The following KLHL3 variants were observed in gnomAD, a reference collection of about 807,000 sequenced individuals.
The protein encoded by KLHL3 is kelch-like protein 3.
KLHL3 carries 19 observed loss-of-function variants against 70.5 expected under a neutral mutation model. The observed-to-expected ratio is 0.27, with a 90% CI of 0.19 to 0.40. The LOEUF (loss-of-function observed/expected upper bound fraction) is 0.40, where lower values mean the gene tolerates loss of function less well. KLHL3 is among the 10% of genes least tolerant of loss of function. The pLI is 1.00. For missense variants in KLHL3, 512 were observed against 771.1 expected, an observed-to-expected ratio of 0.66 and a Z score of 3.98; for synonymous variants, 258 against 290.3, an observed-to-expected ratio of 0.89 and a Z score of 1.13.
chr5:137,719,508 AAAG>A (rs1268793373), intron 2 of KLHL3, among the ~76,000 whole-genome samples: 4 of 152,270 alleles, frequency 2.6e-5, no homozygotes. Context: ...GCTCTCTGGT[AAAG>A]AAGAGATCGT....
intron 8 of KLHL3, among the ~76,000 whole-genome samples, chr5:137,654,591 CA>C (rs1367237139): frequency 1.3e-5 from 2 of 152,164 alleles, no homozygotes; most frequent in Non-Finnish European, 2.9e-5. Flanking sequence ...AGTGCTTAAA[CA>C]ATGGTGATGA....
chr5:137,680,186 C>T (rs1156957888), intron 5 of KLHL3, among the ~76,000 whole-genome samples: 1 of 152,206 alleles, frequency 6.6e-6, no homozygotes, highest in East Asian at 1.9e-4. Flanking sequence ...AAGATACCTT[C>T]CTGAATCATC....
chr5:137,641,283 G>A (rs1049580444), intron 8 of KLHL3, among the ~76,000 whole-genome samples: 6 of 152,122 alleles, frequency 3.9e-5, no homozygotes, highest in Non-Finnish European at 7.4e-5. Flanking sequence ...TTACCCAGTG[G>A]TTCTCAAACT....
chr5:137,705,244 T>G (rs2149926747), intron 3 of KLHL3, among the ~76,000 whole-genome samples: 1 of 152,296 alleles, frequency 6.6e-6, no homozygotes, highest in East Asian at 1.9e-4. Context: ...ACACAAACAC[T>G]AGAACACAGA....
intron 4 of KLHL3, among the ~76,000 whole-genome samples, chr5:137,696,452 C>T (rs1434479008): frequency 6.6e-6 from 1 of 152,236 alleles, no homozygotes; most frequent in Non-Finnish European, 1.5e-5. Context: ...TACTTAACCT[C>T]TCAATGCCTC....
intron 13 of KLHL3, chr5:137,627,947 C>G: frequency 4.3e-6 from 1 of 235,274 alleles, no homozygotes; most frequent in South Asian, 7.7e-5. Flanking sequence ...TGGCCCTTGT[C>G]CACAGAGCCC....
intron 1 of KLHL3, chr5:137,721,029 G>C (rs908457406): frequency 5.8e-5 from 12 of 207,336 alleles, no homozygotes; most frequent in African/African-American, 2.8e-4. Context: ...GAGTTCAGTA[G>C]AGGAGAATGC....
intron 3 of KLHL3, among the ~76,000 whole-genome samples, chr5:137,703,152 A>G (rs1191201139): frequency 6.6e-6 from 1 of 152,192 alleles, no homozygotes; most frequent in Admixed American, 6.5e-5. Context: ...CCACCCCTAC[A>G]TAGTTATATG....
chr5:137,647,422 C>T, intron 8 of KLHL3: 12 of 320,706 alleles, frequency 3.7e-5, no homozygotes, highest in Admixed American at 1.2e-4. Context: ...TAGATCAAGA[C>T]CCTAGCCCTG....
In KLHL3 at chr5:137,666,515, G is replaced by A. The variant is rs79083834; in HGVS notation, c.637-4484C>T. Among the ~76,000 whole-genome samples the A allele has an allele frequency of 1.6e-3, 250 of 152,272 alleles. 2 individuals are homozygous for A. Among genetic ancestry groups the A allele is most frequent in the African/African-American group, 5.6e-3 (232 of 41,548 alleles). ...AAGAATGAACTACAAGTCCTTAAGC[G>A]GGTAGCATTTATTGATCACATTCTT... is the stretch of plus-strand genomic sequence containing the variant. On this transcript the variant is annotated intron_variant, in intron 6 of 14. Transcript: ENST00000309755.
At chr5:137,638,154 A>T (rs1473304347) in intron 10 of KLHL3, among the ~76,000 whole-genome samples, 1 of 152,208 alleles carries the variant, frequency 6.6e-6, no homozygotes, top group Admixed American at 6.5e-5. Context: ...ACAATGCACC[A>T]CTACCCTTTC....
At chr5:137,694,741 A>G (rs1752405800) in intron 4 of KLHL3, among the ~76,000 whole-genome samples, 1 of 152,156 alleles carries the variant, frequency 6.6e-6, no homozygotes, top group African/African-American at 2.4e-5. Context: ...TTTACCACTG[A>G]AAGTCCCCCT....
chr5:137,689,990 T>C (rs1454477064), intron 5 of KLHL3, among the ~76,000 whole-genome samples: 1 of 152,184 alleles, frequency 6.6e-6, no homozygotes, highest in Non-Finnish European at 1.5e-5. Flanking sequence ...ATTTCTGACA[T>C]CTAAGCACTC....
intron 5 of KLHL3, among the ~76,000 whole-genome samples, chr5:137,683,224 C>T (rs949859857): frequency 2.5e-4 from 38 of 152,118 alleles, no homozygotes; most frequent in African/African-American, 8.9e-4. Context: ...AATTTCCCAT[C>T]CACATGGACG....
intron 8 of KLHL3, among the ~76,000 whole-genome samples, chr5:137,657,242 C>G (rs1751365791): frequency 6.6e-6 from 1 of 152,128 alleles, no homozygotes; most frequent in Non-Finnish European, 1.5e-5. Flanking sequence ...AGGAGGAGGA[C>G]AAAGCAAGGG....
chr5:137,690,244 G>A (rs953022895), intron 5 of KLHL3, among the ~76,000 whole-genome samples: 1 of 151,838 alleles, frequency 6.6e-6, no homozygotes, highest in African/African-American at 2.4e-5. Context: ...GGAGAATGGC[G>A]TGAACCCAGG....
intron 4 of KLHL3, among the ~76,000 whole-genome samples, chr5:137,695,975 T>C (rs1265351960): frequency 6.6e-6 from 1 of 152,154 alleles, no homozygotes. Flanking sequence ...TTACAGTTCT[T>C]GGAAAACAGG....
chr5:137,729,365 C>T (rs1422239990), intron 1 of KLHL3, among the ~76,000 whole-genome samples: 2 of 152,198 alleles, frequency 1.3e-5, no homozygotes, highest in South Asian at 2.1e-4. Context: ...CTCGGTCCAA[C>T]CCATCACACT....
Position 137,621,911 on chromosome 5 carries a change from G to A in KLHL3, c.*187C>T. 2 of 655,384 alleles carry A rather than the reference G, an allele frequency of 3.1e-6. No homozygotes were observed. Among genetic ancestry groups the A allele is most frequent in the East Asian group, 2.7e-5 (1 of 37,154 alleles). 40.6% of individuals were successfully genotyped at this position (655,384 alleles called of 1,614,324 possible). ...AGGGCATAGGCCAGAGCACCTCAGG[G>A]GAACGGGGGTGGGTAATGGTGTCCA... On this transcript the variant is annotated 3_prime_UTR_variant, in exon 15 of 15. Transcript: ENST00000309755.
Sources: allele counts gnomAD v4.1 joint callset (sites outside exome capture counted in the v4.1 genomes callset), GRCh38; gene constraint gnomAD v4.1.1; transcripts MANE v1.5; gene names NCBI Gene and HGNC (gene_info 2026-07-23, HGNC 2026-07-21).